Variants in CMSS1 observed in about 807,000 individuals in gnomAD.
The protein encoded by CMSS1 is protein CMSS1.
CMSS1 carries 33 observed loss-of-function variants against 43.5 expected under a neutral mutation model. The observed-to-expected ratio is 0.76, with a 90% CI of 0.57 to 1.01. The LOEUF is 1.01. Among genes scored for constraint, CMSS1 ranks in the 50% least tolerant of loss-of-function variants. The probability of loss-of-function intolerance (pLI) is 0.00; values close to 1 mark genes in which losing one functional copy is unlikely to be tolerated. For synonymous variants in CMSS1, 115 were observed against 117.2 expected, an observed-to-expected ratio of 0.98 and a Z score of 0.12; for missense variants, 313 against 326.4, an observed-to-expected ratio of 0.96 and a Z score of 0.32.
At chr3:100,158,635 C>A (rs1429090618) in intron 2 of CMSS1, among the ~76,000 whole-genome samples, 1 of 152,144 alleles carries the variant, frequency 6.6e-6, no homozygotes. Context: ...TTTGCATTTC[C>A]TTTAGGATGA....
At position 100,179,900 on chromosome 3, in the gene CMSS1, G is replaced by C. The variant is rs1234723462; in HGVS notation, c.*1512G>C. 1 of 152,330 alleles carries C rather than the reference G, an allele frequency of 6.6e-6. No homozygotes were observed. Among genetic ancestry groups the C allele is most frequent in the Non-Finnish European group, 1.5e-5 (1 of 68,132 alleles). The allele number at this position is 152,330 out of a possible 1,614,324, so 9.4% of individuals were successfully genotyped here. ...TAGCAGACTTCTGCCTGGACATCCAGGCGTTTCCATACATCCTCTGAAATT... is the reference window on the plus strand; with the variant it reads ...TAGCAGACTTCTGCCTGGACATCCACGCGTTTCCATACATCCTCTGAAATT... On this transcript the variant is annotated 3_prime_UTR_variant, in exon 10 of 10. Transcript: ENST00000421999.
chr3:100,161,859 C>A (rs144635414), intron 3 of CMSS1, among the ~76,000 whole-genome samples: 1 of 152,114 alleles, frequency 6.6e-6, no homozygotes, highest in East Asian at 1.9e-4. Flanking sequence ...ATTCCTACTG[C>A]GGGTTTTACA....
intron 1 of CMSS1, chr3:99,924,168 C>G: frequency 7.2e-7 from 1 of 1,380,490 alleles, no homozygotes; most frequent in Non-Finnish European, 1.0e-6. Context: ...TCCCTGAGAC[C>G]TGGTACAGTG....
intron 3 of CMSS1, among the ~76,000 whole-genome samples, 185 bp downstream of exon 3, chr3:100,160,686 A>G (rs2067015897): frequency 6.6e-6 from 1 of 152,210 alleles, no homozygotes; most frequent in South Asian, 2.1e-4. Context: ...GGAGCTAAGA[A>G]TAAATTCTTC....
chr3:100,039,393 C>G (rs2107285014), intron 1 of CMSS1, among the ~76,000 whole-genome samples: 1 of 152,120 alleles, frequency 6.6e-6, no homozygotes, highest in East Asian at 1.9e-4. Context: ...TTATATTTCA[C>G]AGTATGTAGT....
intron 1 of CMSS1, among the ~76,000 whole-genome samples, chr3:99,897,433 G>A (rs1215045629): frequency 6.6e-6 from 1 of 151,752 alleles, no homozygotes; most frequent in East Asian, 1.9e-4. Flanking sequence ...TCAAAACAAA[G>A]CTAAGAAAAA....
At chr3:99,829,298 G>C (rs1312989730) in intron 1 of CMSS1, among the ~76,000 whole-genome samples, 1 of 152,092 alleles carries the variant, frequency 6.6e-6, no homozygotes, top group Non-Finnish European at 1.5e-5. Flanking sequence ...AACATGCCTT[G>C]TCTTAAAATG....
intron 1 of CMSS1, among the ~76,000 whole-genome samples, chr3:99,886,096 ACT>A (rs1399823392): frequency 6.6e-6 from 1 of 152,168 alleles, no homozygotes; most frequent in African/African-American, 2.4e-5. Flanking sequence ...CAAACAGAAC[ACT>A]CTATGTGTGC....
At chr3:99,938,050 AG>A (rs1380174813) in intron 1 of CMSS1, among the ~76,000 whole-genome samples, 1 of 148,902 alleles carries the variant, frequency 6.7e-6, no homozygotes, top group Non-Finnish European at 1.5e-5. Flanking sequence ...AGGCTCAGGA[AG>A]TGTGTGTGTG....
chr3:99,896,706 T>C (rs1706266346), intron 1 of CMSS1, among the ~76,000 whole-genome samples: 1 of 152,234 alleles, frequency 6.6e-6, no homozygotes, highest in South Asian at 2.1e-4. Context: ...TTGATTCATT[T>C]GTTGCCATAG....
chr3:99,956,265 C>T (rs1182779248), intron 1 of CMSS1, among the ~76,000 whole-genome samples: 3 of 152,174 alleles, frequency 2.0e-5, no homozygotes, highest in Non-Finnish European at 4.4e-5. Context: ...CCTCTGCCCC[C>T]AACACCTCTT....
intron 1 of CMSS1, among the ~76,000 whole-genome samples, chr3:99,934,377 A>T (rs571676547): frequency 6.6e-6 from 1 of 152,278 alleles, no homozygotes; most frequent in East Asian, 1.9e-4. Flanking sequence ...AGCGAAATAT[A>T]TTTGGTTCTT....
At chr3:100,125,620 A>T (rs886320245) in intron 1 of CMSS1, among the ~76,000 whole-genome samples, 1 of 152,250 alleles carries the variant, frequency 6.6e-6, no homozygotes, top group Non-Finnish European at 1.5e-5. Flanking sequence ...GTGCTGGCTT[A>T]AAAGTTTCCA....
chr3:100,090,232 G>C (rs2066080552), intron 1 of CMSS1, among the ~76,000 whole-genome samples: 1 of 152,136 alleles, frequency 6.6e-6, no homozygotes, highest in Admixed American at 6.5e-5. Context: ...TTGTGCAGCT[G>C]TTTGCTATTG....
intron 1 of CMSS1, chr3:99,898,517 A>C (rs1576556997): frequency 6.6e-6 from 1 of 152,600 alleles, no homozygotes; most frequent in East Asian, 1.9e-4. Context: ...CTGTTATCCC[A>C]GCACTTTGGG....
At chr3:100,160,345 G>A (rs1020579983) in intron 2 of CMSS1, 85 bp from the exon 3 acceptor site, 11 of 693,400 alleles carry the variant, frequency 1.6e-5, no homozygotes, top group Admixed American at 1.5e-4. Flanking sequence ...ATACATGCAT[G>A]GCAGAAAGTA....
chr3:99,933,622 G>C (rs1707562416), intron 1 of CMSS1, among the ~76,000 whole-genome samples: 1 of 151,892 alleles, frequency 6.6e-6, no homozygotes, highest in African/African-American at 2.4e-5. Flanking sequence ...CCTTACTCTG[G>C]GCTATAGAAA....
intron 1 of CMSS1, among the ~76,000 whole-genome samples, chr3:99,888,914 A>G (rs1705997302): frequency 6.6e-6 from 1 of 152,118 alleles, no homozygotes; most frequent in Admixed American, 6.6e-5. Flanking sequence ...CTTAATTTTT[A>G]TAAACATATT....
At chr3:100,149,825 GT>G (rs1415105836) in intron 2 of CMSS1, among the ~76,000 whole-genome samples, 1 of 152,132 alleles carries the variant, frequency 6.6e-6, no homozygotes, top group Non-Finnish European at 1.5e-5. Flanking sequence ...CGGTATCCCA[GT>G]TTTCTCATGA....
Sources: allele counts gnomAD v4.1 joint callset (sites outside exome capture counted in the v4.1 genomes callset), GRCh38; gene constraint gnomAD v4.1.1; transcripts MANE v1.5; gene names NCBI Gene and HGNC (gene_info 2026-07-23, HGNC 2026-07-21).